Variants in SORCS3 observed in about 807,000 individuals in gnomAD.
The protein encoded by SORCS3 is VPS10 domain-containing receptor SorCS3.
SORCS3 carries 57 observed loss-of-function variants against 146.3 expected under a neutral mutation model. The observed-to-expected ratio is 0.39, with a 90% CI of 0.31 to 0.49. The LOEUF (loss-of-function observed/expected upper bound fraction) is 0.49, where lower values mean the gene tolerates loss of function less well. Among genes scored for constraint, SORCS3 ranks in the 20% least tolerant of loss-of-function variants. The pLI, the probability that SORCS3 is intolerant of heterozygous loss-of-function variation, is 0.92. For synonymous variants in SORCS3, 653 were observed against 618.5 expected (o/e 1.06, Z -0.83); for missense variants, 1,341 against 1,575.5 (o/e 0.85, Z 2.52).
At chr10:105,199,937 A>T in intron 14 of SORCS3, 62 bp from the exon 15 acceptor site, 1 of 1,188,982 alleles carries the variant, frequency 8.4e-7, no homozygotes, top group Non-Finnish European at 1.2e-6. Flanking sequence ...GTTTCTGTGC[A>T]TTAGTGACTG....
intron 1 of SORCS3, among the ~76,000 whole-genome samples, chr10:104,822,845 C>G (rs1251445730): frequency 6.6e-6 from 1 of 152,002 alleles, no homozygotes; most frequent in African/African-American, 2.4e-5. Flanking sequence ...AGAGCTTGGA[C>G]AGATTAAAAT....
intron 2 of SORCS3, among the ~76,000 whole-genome samples, chr10:104,885,502 A>C (rs1051125282): frequency 6.6e-6 from 1 of 152,134 alleles, no homozygotes. Flanking sequence ...GTACATCTTT[A>C]TGTACTTTAA....
chr10:105,105,580 A>G, intron 7 of SORCS3, 65 bp downstream of exon 7: 2 of 1,146,438 alleles, frequency 1.7e-6, no homozygotes, highest in Non-Finnish European at 1.3e-6. Flanking sequence ...CCTGCTAGGA[A>G]AAGGAGGGTG....
chr10:104,677,856 G>A (rs2015928867), intron 1 of SORCS3, among the ~76,000 whole-genome samples: 1 of 152,196 alleles, frequency 6.6e-6, no homozygotes, highest in South Asian at 2.1e-4. Context: ...CATAGGGGGT[G>A]AAGAGAGAGA....
chr10:104,714,133 T>C (rs1455827955), intron 1 of SORCS3, among the ~76,000 whole-genome samples: 1 of 152,148 alleles, frequency 6.6e-6, no homozygotes, highest in Non-Finnish European at 1.5e-5. Flanking sequence ...AATTTGTGTC[T>C]TTTTTCTTTT....
At chr10:104,789,251 GTCC>G (rs1353366142) in intron 1 of SORCS3, among the ~76,000 whole-genome samples, 1 of 152,208 alleles carries the variant, frequency 6.6e-6, no homozygotes, top group East Asian at 1.9e-4. Flanking sequence ...AAGAGGTCCT[GTCC>G]TCCTTCTGTA....
At chr10:105,042,206 A>G (rs1327694575) in intron 4 of SORCS3, among the ~76,000 whole-genome samples, 1 of 152,184 alleles carries the variant, frequency 6.6e-6, no homozygotes, top group African/African-American at 2.4e-5. Flanking sequence ...AGCTTCTTAG[A>G]GGCAGGCAGT....
intron 1 of SORCS3, among the ~76,000 whole-genome samples, chr10:104,677,505 T>C (rs551925877): frequency 6.6e-6 from 1 of 152,352 alleles, no homozygotes; most frequent in South Asian, 2.1e-4. Flanking sequence ...AGCCAGCCTG[T>C]CGCAGCCTGC....
intron 3 of SORCS3, among the ~76,000 whole-genome samples, chr10:104,973,644 C>A (rs1348912892): frequency 1.3e-5 from 2 of 150,616 alleles, no homozygotes; most frequent in Non-Finnish European, 2.9e-5. Flanking sequence ...TTCAAAAAAA[C>A]AGCTCCTGGA....
intron 1 of SORCS3, among the ~76,000 whole-genome samples, chr10:104,837,801 G>A (rs978954732): frequency 9.9e-5 from 15 of 152,134 alleles, no homozygotes; most frequent in African/African-American, 3.6e-4. Flanking sequence ...ACTCCTTGAG[G>A]GCAAGGGTAC....
At chr10:104,855,515 A>G (rs979644938) in intron 2 of SORCS3, among the ~76,000 whole-genome samples, 3 of 152,228 alleles carry the variant, frequency 2.0e-5, no homozygotes, top group East Asian at 1.9e-4. Context: ...TTTTCACCAT[A>G]TAAAATCTGT....
chr10:104,641,491 C>A lies in SORCS3; in HGVS notation c.164C>A (p.Ala55Glu). 1 of 1,471,222 alleles carries A rather than the reference C, an allele frequency of 6.8e-7. No homozygotes were observed. The highest frequency in any genetic ancestry group is 8.9e-7 in the Non-Finnish European group (1 of 1,119,326). The allele number at this position is 1,471,222 out of a possible 1,614,324, so 91.1% of individuals were successfully genotyped here. A position where few individuals can be genotyped will look rare whatever the true frequency, so the allele number is the denominator to read the frequency against. The change falls in exon 1 of 27, where the codon GCG becomes GAG. Residue 55 changes from alanine to glutamate, a missense_variant. Physicochemically the swap from Ala to Glu is moderately radical, Grantham distance 107. Coordinates refer to ENST00000369701, the MANE Select transcript of SORCS3 (RefSeq NM_014978.3). This position sits in a 1 kb window ranked among gnomAD's most constrained non-coding sequence, Gnocchi z 6.4. ...RPAAPASRPP[A>E]LSPLSPRAVA... is the part of the protein sequence containing the mutation. ...GCGGCCCCGGCTTCGCGGCCACCGG[C>A]GTTGTCTCCACTCTCGCCGCGGGCA...
At chr10:104,867,681 A>G (rs1316961641) in intron 2 of SORCS3, among the ~76,000 whole-genome samples, 1 of 152,094 alleles carries the variant, frequency 6.6e-6, no homozygotes, top group Middle Eastern at 3.2e-3. Flanking sequence ...TGCACCCTAC[A>G]TGCCCTGCTT....
intron 5 of SORCS3, among the ~76,000 whole-genome samples, chr10:105,057,340 G>A (rs2055452588): frequency 6.6e-6 from 1 of 152,032 alleles, no homozygotes; most frequent in Non-Finnish European, 1.5e-5. Context: ...AAAATGTTTA[G>A]AAAATCATTG....
chr10:105,025,258 A>C (rs1339399594), intron 4 of SORCS3, among the ~76,000 whole-genome samples: 1 of 152,102 alleles, frequency 6.6e-6, no homozygotes, highest in Non-Finnish European at 1.5e-5. Context: ...GGCCCTTTAC[A>C]CTTTAAAAGC....
intron 19 of SORCS3, among the ~76,000 whole-genome samples, chr10:105,218,555 T>C (rs1453750198): frequency 6.6e-6 from 1 of 152,184 alleles, no homozygotes; most frequent in Non-Finnish European, 1.5e-5. Context: ...ACTACAACCA[T>C]TCTGTGTCAG....
chr10:104,990,281 G>A (rs2054985750), intron 4 of SORCS3, among the ~76,000 whole-genome samples: 1 of 152,320 alleles, frequency 6.6e-6, no homozygotes, highest in African/African-American at 2.4e-5. Flanking sequence ...AACTCTAGTT[G>A]CCCACAAAGT....
intron 1 of SORCS3, among the ~76,000 whole-genome samples, chr10:104,696,353 T>TATACACATATAATATATATA (rs1225186661): frequency 0.5 from 134 of 266 alleles, 62 homozygotes; most frequent in Admixed American, 0.6. Flanking sequence ...ATATATATCA[T>TATACACATATAATATATATA]ATATATATCA....
chr10:105,055,844 G>C (rs777900211), intron 5 of SORCS3, among the ~76,000 whole-genome samples: 1 of 152,006 alleles, frequency 6.6e-6, no homozygotes, highest in Non-Finnish European at 1.5e-5. Context: ...AATATTTCTG[G>C]CTTGATGTTA....
Sources: gnomAD v4.1 joint callset for allele counts (sites outside exome capture counted in the v4.1 genomes callset) on GRCh38, gnomAD v4.1.1 for gene constraint, Gnocchi (gnomAD v3.1) non-coding constraint, MANE v1.5 for transcripts, NCBI Gene and HGNC (gene_info 2026-07-23, HGNC 2026-07-21) for gene names.